Variants in OSBPL10 observed in about 807,000 individuals in gnomAD.
The protein encoded by OSBPL10 is oxysterol-binding protein-related protein 10.
Under a neutral mutation model 81.7 loss-of-function variants are expected in OSBPL10, and 49 were observed. That is an observed-to-expected ratio of 0.60 (90% CI 0.48 to 0.76). The LOEUF is 0.76. OSBPL10 is among the 30% of genes least tolerant of loss of function. OSBPL10 has a pLI of 0.00. For synonymous variants in OSBPL10, 419 were observed against 383.6 expected (o/e 1.09, Z -1.08); for missense variants, 923 against 987.8 (o/e 0.93, Z 0.88).
chr3:31,942,161 A>G (rs879591980), intron 1 of OSBPL10, among the ~76,000 whole-genome samples: 24 of 152,142 alleles, frequency 1.6e-4, no homozygotes, highest in Middle Eastern at 3.2e-3. Flanking sequence ...TGTAGTCCCA[A>G]CTACTCGGGA....
intron 1 of OSBPL10, among the ~76,000 whole-genome samples, chr3:31,929,999 CAACCA>C (rs1266193263): frequency 1.8e-4 from 5 of 28,006 alleles, no homozygotes; most frequent in South Asian, 3.2e-3. Context: ...ACCCTGTCAC[CAACCA>C]AAAAAAAAAA....
In OSBPL10 at chr3:32,060,671, C is replaced by T. The variant is rs1305492136; in HGVS notation, n.186-14068G>A. 2.1e-4 allele frequency among the ~76,000 whole-genome samples: 13 copies of T among 63,346 alleles called. 3 individuals carry two copies. The highest frequency in any genetic ancestry group is 4.5e-4 in the African/African-American group (13 of 28,726). 41.6% of individuals were successfully genotyped at this position (63,346 alleles called of 152,430 possible). ...CCCAGCTTTTAAAAAAACCCACTTCCATGGGCAGGCACAGTGGCTCATGCC... is the reference window on the plus strand; with the variant it reads ...CCCAGCTTTTAAAAAAACCCACTTCTATGGGCAGGCACAGTGGCTCATGCC... On this transcript the variant is annotated intron_variant and non_coding_transcript_variant, in intron 1 of 3. Coordinates refer to the OSBPL10 transcript ENST00000479173.
chr3:31,810,886 T>C (rs1575560006), intron 4 of OSBPL10, among the ~76,000 whole-genome samples: 1 of 152,156 alleles, frequency 6.6e-6, no homozygotes, highest in African/African-American at 2.4e-5. Flanking sequence ...CCGCTTACTT[T>C]CATTAAATGA....
intron 1 of OSBPL10, among the ~76,000 whole-genome samples, chr3:31,898,966 T>C (rs1575605434): frequency 9.4e-6 from 1 of 105,986 alleles, no homozygotes; most frequent in Admixed American, 9.0e-5. Context: ...TTTTTTTTTT[T>C]TTTTTTTTTT....
intron 8 of OSBPL10, among the ~76,000 whole-genome samples, chr3:31,683,296 C>G (rs74476235): frequency 0.025 from 3,801 of 152,286 alleles, 63 homozygotes; most frequent in Non-Finnish European, 0.038. Flanking sequence ...TGTGTTTTCA[C>G]AGATTTGGAG....
rs1013410754 is a variant in OSBPL10, at chr3:31,987,833, A to G, written n.298+58658T>C. Reference sequence around the variant, plus strand: ...AGACCTATACTTCACACTTTATGCAAAAGTCACCTCCAAGTGGATCAGAAA... The same window carrying G: ...AGACCTATACTTCACACTTTATGCAGAAGTCACCTCCAAGTGGATCAGAAA... On this transcript the variant is annotated intron_variant and non_coding_transcript_variant, in intron 2 of 3. Coordinates refer to the OSBPL10 transcript ENST00000479173. Among the ~76,000 whole-genome samples the G allele has an allele frequency of 3.3e-5, 5 of 152,276 alleles. No homozygotes were observed. In the East Asian group the frequency reaches 7.7e-4, roughly 23 times the overall value.
intron 3 of OSBPL10, among the ~76,000 whole-genome samples, chr3:31,871,604 C>T (rs151266506): frequency 1.3e-5 from 2 of 152,214 alleles, no homozygotes; most frequent in Non-Finnish European, 2.9e-5. Flanking sequence ...GGCTCAGTGG[C>T]TCATGCCTAT....
At chr3:31,758,896 T>C (rs1037684918) in intron 4 of OSBPL10, among the ~76,000 whole-genome samples, 3 of 152,240 alleles carry the variant, frequency 2.0e-5, no homozygotes, top group Non-Finnish European at 2.9e-5. Context: ...TTCTGGCTTC[T>C]GGCCAGAGAC....
intron 1 of OSBPL10, among the ~76,000 whole-genome samples, chr3:31,895,684 CAG>C (rs1234590628): frequency 7.9e-5 from 12 of 152,234 alleles, no homozygotes; most frequent in Admixed American, 2.0e-4. Context: ...ATCTTTAAAA[CAG>C]GGGATTATAA....
intron 2 of OSBPL10, among the ~76,000 whole-genome samples, chr3:32,002,800 C>T (rs1004405518): frequency 1.5e-5 from 2 of 129,350 alleles, no homozygotes; most frequent in African/African-American, 5.3e-5. Flanking sequence ...GGGAGAAATA[C>T]TATTTATTGT....
chr3:31,928,775 AAAAAAAG>A (rs1482155751), intron 1 of OSBPL10, among the ~76,000 whole-genome samples: 1 of 152,012 alleles, frequency 6.6e-6, no homozygotes, highest in African/African-American at 2.4e-5. Context: ...AAAAAAAAAA[AAAAAAAG>A]AATGCCCAGA....
intron 2 of OSBPL10, chr3:31,989,719 T>G: frequency 6.2e-7 from 1 of 1,613,976 alleles, no homozygotes; most frequent in Non-Finnish European, 8.5e-7. Flanking sequence ...TTTCTTCCAT[T>G]CATCATTACT....
chr3:31,829,123 C>T (rs1412258821), intron 4 of OSBPL10, among the ~76,000 whole-genome samples: 1 of 152,112 alleles, frequency 6.6e-6, no homozygotes, highest in Non-Finnish European at 1.5e-5. Context: ...ACTCAAGCAG[C>T]GGCAAGACCC....
chr3:32,057,109 T>C (rs1020853186), intron 1 of OSBPL10, among the ~76,000 whole-genome samples: 3 of 152,174 alleles, frequency 2.0e-5, no homozygotes, highest in Admixed American at 2.0e-4. Context: ...TTCCAAGAAA[T>C]CTTTGCTCAT....
At chr3:31,895,768 G>A (rs1002520655) in intron 1 of OSBPL10, among the ~76,000 whole-genome samples, 4 of 152,166 alleles carry the variant, frequency 2.6e-5, no homozygotes, top group African/African-American at 9.7e-5. Context: ...CTGCCTTCAA[G>A]AAACGTACAG....
chr3:31,735,326 G>C (rs974901164), intron 5 of OSBPL10, among the ~76,000 whole-genome samples: 2 of 152,158 alleles, frequency 1.3e-5, no homozygotes, highest in African/African-American at 4.8e-5. Flanking sequence ...TATAGTTGCA[G>C]CTACATGAGA....
At chr3:31,809,099 A>C (rs1460768550) in intron 4 of OSBPL10, among the ~76,000 whole-genome samples, 1 of 152,250 alleles carries the variant, frequency 6.6e-6, no homozygotes, top group East Asian at 1.9e-4. Context: ...TTTTAGACAT[A>C]CTAGCCAACA....
chr3:32,024,609 C>T (rs1048643589), intron 2 of OSBPL10, among the ~76,000 whole-genome samples: 7 of 151,646 alleles, frequency 4.6e-5, no homozygotes, highest in African/African-American at 1.5e-4. Flanking sequence ...CTCAGCCCCC[C>T]CAGTAGCTGG....
At position 31,878,051 on chromosome 3, in the gene OSBPL10, T is replaced by G. The variant is rs1031137172; in HGVS notation, c.458-1539A>C. On this transcript the variant is annotated intron_variant, in intron 2 of 11. Coordinates refer to ENST00000396556, the MANE Select transcript of OSBPL10 (RefSeq NM_017784.5). Reference sequence around the variant, plus strand: ...ACGGGCTAAGGACAAGCCATAAACATGCAGAAATTTATCCTGACTTTTTTT... The same window carrying G: ...ACGGGCTAAGGACAAGCCATAAACAGGCAGAAATTTATCCTGACTTTTTTT... Among the ~76,000 whole-genome samples the G allele has an allele frequency of 5.3e-5, 8 of 152,144 alleles. 1 individual carries two copies.
Sources: gnomAD v4.1 joint callset for allele counts (sites outside exome capture counted in the v4.1 genomes callset) on GRCh38, gnomAD v4.1.1 for gene constraint, MANE v1.5 for transcripts, NCBI Gene and HGNC (gene_info 2026-07-23, HGNC 2026-07-21) for gene names.